PCDH11Y: variants seen among roughly 807,000 people sequenced by gnomAD.
PCDH11Y encodes protocadherin-11 Y-linked.
For missense variants in PCDH11Y, 12 were observed against 224.8 expected (o/e 0.05, Z 6.05); for synonymous variants, 9 against 83.6 (o/e 0.11, Z 4.87).
chrY:5,664,084 T>C, intron 4 of PCDH11Y, among the ~76,000 whole-genome samples: 1 of 32,925 alleles, frequency 3.0e-5, no homozygotes, highest in Admixed American at 2.8e-4. Flanking sequence ...TAAATTTAGA[T>C]GTCATGTTTT....
intron 2 of PCDH11Y, among the ~76,000 whole-genome samples, chrY:5,452,031 T>A: frequency 3.0e-5 from 1 of 33,792 alleles, no homozygotes. Flanking sequence ...AGCTTTTAAT[T>A]AGACATATTC....
intron 2 of PCDH11Y, among the ~76,000 whole-genome samples, chrY:5,206,919 C>T (rs2052932900): frequency 9.9e-5 from 3 of 30,304 alleles, no homozygotes; most frequent in South Asian, 8.0e-4. Flanking sequence ...ACTTACAAAG[C>T]GCCTACATAT....
At chrY:5,061,783 A>G (rs2563774) in intron 1 of PCDH11Y, among the ~76,000 whole-genome samples, 1 of 33,026 alleles carries the variant, frequency 3.0e-5, no homozygotes, top group Non-Finnish European at 7.4e-5. Flanking sequence ...TTTTTCTCAG[A>G]TTAGTGATCC....
At chrY:5,089,332 A>T (rs2124633541) in intron 1 of PCDH11Y, among the ~76,000 whole-genome samples, 1 of 32,993 alleles carries the variant, frequency 3.0e-5, no homozygotes, top group African/African-American at 1.2e-4. Context: ...AAAAAGACCC[A>T]AGTTTGCTGC....
downstream of PCDH11Y, chrY:5,104,971 G>A (rs2052785439): frequency 2.3e-5 from 5 of 219,405 alleles, no homozygotes; most frequent in Non-Finnish European, 2.7e-5. Context: ...GGCCGGGCGC[G>A]GTGGCTCACG....
At chrY:5,302,243 A>AAGGG (rs2053084106) in intron 2 of PCDH11Y, among the ~76,000 whole-genome samples, 1 of 31,515 alleles carries the variant, frequency 3.2e-5, no homozygotes, top group Admixed American at 3.0e-4. Context: ...GGAAGGAAGG[A>AAGGG]AGGAAGGAAG....
chrY:5,252,142 G>A, intron 2 of PCDH11Y, among the ~76,000 whole-genome samples: 9 of 30,367 alleles, frequency 3.0e-4, no homozygotes. Flanking sequence ...AAGTAATACC[G>A]TATCACTCTC....
intron 2 of PCDH11Y, among the ~76,000 whole-genome samples, chrY:5,178,883 A>AT (rs2052896653): frequency 6.3e-5 from 2 of 31,862 alleles, no homozygotes; most frequent in Admixed American, 2.9e-4. Flanking sequence ...GTGGTGTTTG[A>AT]TTTTCTGTTC....
chrY:5,541,368 G>A, intron 3 of PCDH11Y, among the ~76,000 whole-genome samples: 1 of 33,918 alleles, frequency 2.9e-5, no homozygotes, highest in African/African-American at 1.1e-4. Flanking sequence ...ACATTCTTGT[G>A]TTTTGCCTTC....
intron 4 of PCDH11Y, among the ~76,000 whole-genome samples, chrY:5,595,124 C>A: frequency 4.5e-5 from 1 of 22,259 alleles, no homozygotes; most frequent in Non-Finnish European, 1.0e-4. Context: ...GCACAGTAGC[C>A]CCTTGCAGTA....
chrY:5,601,333 G>T (rs2124699548), intron 4 of PCDH11Y, among the ~76,000 whole-genome samples: 2 of 32,071 alleles, frequency 6.2e-5, no homozygotes, highest in East Asian at 1.7e-3. Context: ...GGAAAGTTTT[G>T]TTCAGTGTCT....
chrY:5,273,241 A>C, intron 2 of PCDH11Y, among the ~76,000 whole-genome samples: 1 of 33,653 alleles, frequency 3.0e-5, no homozygotes, highest in South Asian at 6.5e-4. Flanking sequence ...AGAAAAATAA[A>C]TTCATTCTGT....
chrY:5,352,738 A>T (rs2053161028), intron 2 of PCDH11Y, among the ~76,000 whole-genome samples: 1 of 33,319 alleles, frequency 3.0e-5, no homozygotes, highest in Admixed American at 2.8e-4. Context: ...ATTATAATGA[A>T]TGTGGAAGCA....
chrY:5,091,835 A>AT (rs2124633969), intron 1 of PCDH11Y, among the ~76,000 whole-genome samples: 1 of 32,192 alleles, frequency 3.1e-5, no homozygotes, highest in Admixed American at 2.9e-4. Context: ...AAATTCTATC[A>AT]TTTTCAAGAA....
At chrY:5,452,885 G>A (rs2124682902) in intron 2 of PCDH11Y, among the ~76,000 whole-genome samples, 1 of 33,422 alleles carries the variant, frequency 3.0e-5, no homozygotes, top group Non-Finnish European at 7.4e-5. Context: ...GGTCATGCTG[G>A]TTGGTGTCCT....
intron 3 of PCDH11Y, among the ~76,000 whole-genome samples, chrY:5,512,464 C>A (rs2053366722): frequency 7.6e-5 from 2 of 26,212 alleles, no homozygotes; most frequent in African/African-American, 4.6e-4. Flanking sequence ...GGTGACAGAG[C>A]CAGACTCCAT....
At chrY:5,637,204 T>C (rs1602954998) in intron 4 of PCDH11Y, among the ~76,000 whole-genome samples, 1 of 33,747 alleles carries the variant, frequency 3.0e-5, no homozygotes, top group Non-Finnish European at 7.4e-5. Flanking sequence ...TCTAAGATGA[T>C]AGATTAATCT....
chrY:5,130,881 CA>C (rs1174642114), intron 2 of PCDH11Y, among the ~76,000 whole-genome samples: 10 of 21,445 alleles, frequency 4.7e-4, no homozygotes, highest in African/African-American at 1.3e-3. Context: ...GACTCTGTCT[CA>C]AAAAAAAAAA....
At chrY:5,030,324 A>G in intron 1 of PCDH11Y, among the ~76,000 whole-genome samples, 2 of 33,675 alleles carry the variant, frequency 5.9e-5, no homozygotes, top group African/African-American at 2.3e-4. Flanking sequence ...AAGTCTCTTT[A>G]AGCATATCTT....
Sources: allele counts gnomAD v4.1 joint callset (sites outside exome capture counted in the v4.1 genomes callset), GRCh38; gene constraint gnomAD v4.1.1; transcripts MANE v1.5; gene names NCBI Gene and HGNC (gene_info 2026-07-23, HGNC 2026-07-21).